The following CSMD1 variants were observed in gnomAD, a reference collection of about 807,000 sequenced individuals.
CSMD1 encodes CUB and Sushi multiple domains 1.
In CSMD1, 213 loss-of-function variants were observed where a neutral mutation model predicts 417.5. That is an observed-to-expected ratio of 0.51 (90% confidence interval 0.46 to 0.57). The LOEUF is 0.57. CSMD1 is among the 20% of genes least tolerant of loss of function. The probability of loss-of-function intolerance (pLI) is 0.00; values close to 1 mark genes in which losing one functional copy is unlikely to be tolerated. For synonymous variants in CSMD1, 2,862 were observed against 1,736.8 expected (o/e 1.65, Z -16.11); for missense variants, 6,923 against 4,529.7 (o/e 1.53, Z -15.17).
chr8:3,459,885 G>C (rs146807104), intron 12 of CSMD1, among the ~76,000 whole-genome samples: 73 of 152,216 alleles, frequency 4.8e-4, no homozygotes, highest in African/African-American at 1.6e-3. Context: ...AAAAAAACTG[G>C]AGTGGTCCTA....
intron 41 of CSMD1, 61 bp from the exon 42 acceptor site, chr8:3,118,648 TTG>T: frequency 6.7e-7 from 1 of 1,481,768 alleles, no homozygotes; most frequent in Non-Finnish European, 9.3e-7. Flanking sequence ...ACTTCGGAAT[TTG>T]CAGGAGTGTC....
At chr8:4,816,906 A>C (rs1051667936) in intron 1 of CSMD1, among the ~76,000 whole-genome samples, 1 of 152,124 alleles carries the variant, frequency 6.6e-6, no homozygotes, top group African/African-American at 2.4e-5. Flanking sequence ...GGTTTGGAGC[A>C]TAACAATCAC....
At chr8:4,816,640 G>A (rs889788601) in intron 1 of CSMD1, among the ~76,000 whole-genome samples, 34 of 152,288 alleles carry the variant, frequency 2.2e-4, no homozygotes, top group African/African-American at 6.7e-4. Flanking sequence ...GTTCCCGACC[G>A]TATGGCTCTA....
chr8:4,028,123 T>C (rs1349737375), intron 4 of CSMD1, among the ~76,000 whole-genome samples: 2 of 152,002 alleles, frequency 1.3e-5, no homozygotes, highest in Non-Finnish European at 2.9e-5. Context: ...ATAATAAACT[T>C]CAGGAACATG....
chr8:4,719,577 C>G (rs972125576), intron 1 of CSMD1, among the ~76,000 whole-genome samples: 1 of 138,994 alleles, frequency 7.2e-6, no homozygotes, highest in African/African-American at 2.6e-5. Context: ...TGCATCCTTT[C>G]TAAGATAGCA....
chr8:3,266,598 C>G (rs539550673), intron 26 of CSMD1, among the ~76,000 whole-genome samples: 11 of 112,068 alleles, frequency 9.8e-5, no homozygotes, highest in East Asian at 5.3e-4. Context: ...GAGTGAGACT[C>G]CCTCTCAAAA....
intron 10 of CSMD1, among the ~76,000 whole-genome samples, chr8:3,534,250 A>G (rs962536897): frequency 6.6e-6 from 1 of 152,162 alleles, no homozygotes; most frequent in East Asian, 1.9e-4. Context: ...GCATTCAATT[A>G]TCTAACTCAC....
chr8:3,265,766 C>T (rs572185179), intron 26 of CSMD1, among the ~76,000 whole-genome samples: 1 of 152,212 alleles, frequency 6.6e-6, no homozygotes, highest in South Asian at 2.1e-4. Context: ...GGCCTTTCTT[C>T]AGCATGACTT....
intron 9 of CSMD1, among the ~76,000 whole-genome samples, chr8:3,583,695 G>A (rs569249433): frequency 2.0e-5 from 3 of 152,202 alleles, no homozygotes; most frequent in South Asian, 2.1e-4. Flanking sequence ...AGCCTCTGCA[G>A]ATGGCAAAAG....
chr8:3,086,990 T>C (rs1814575654), intron 49 of CSMD1, 107 bp downstream of exon 49: 17 of 1,045,954 alleles, frequency 1.6e-5, no homozygotes, highest in Non-Finnish European at 2.4e-5. Flanking sequence ...ACATTCAATT[T>C]TTCCTTACCT....
rs758045756 is a variant in CSMD1, at chr8:3,408,221, T to A, written c.1749A>T (p.Ser583=). 6.9e-6 allele frequency: 11 copies of A among 1,592,722 alleles called. No homozygotes were observed. The highest frequency in any genetic ancestry group is 2.7e-5 in the African/African-American group (2 of 74,438). The stretch of plus-strand genomic sequence containing the variant: ...ATGATGCCGTAAAGTTGAAGAAACA[T>A]GAAACTGTGAAGATGCAAATATATT... ...WSGNKPSCVF[S]CFFNFTASSG... is the part of the protein sequence containing the mutation. The change falls in exon 14 of 70, where the codon TCA becomes TCT. Residue 583 remains serine (S), a synonymous_variant. Transcript: ENST00000635120.
chr8:3,952,220 G>C (rs1041239145), intron 5 of CSMD1, among the ~76,000 whole-genome samples: 14 of 152,124 alleles, frequency 9.2e-5, no homozygotes, highest in African/African-American at 3.4e-4. Context: ...TTCATAATAA[G>C]AAGATTAAGA....
chr8:3,892,861 C>G (rs1478330083), intron 5 of CSMD1, among the ~76,000 whole-genome samples: 1 of 151,568 alleles, frequency 6.6e-6, no homozygotes. Flanking sequence ...ACGGGCCAGA[C>G]ACAGAGCAGG....
intron 1 of CSMD1, among the ~76,000 whole-genome samples, chr8:4,924,839 G>C (rs1487277013): frequency 1.3e-5 from 2 of 149,784 alleles, no homozygotes; most frequent in East Asian, 3.9e-4. Context: ...GATTATTACA[G>C]TTCGGGAAGA....
intron 2 of CSMD1, among the ~76,000 whole-genome samples, chr8:4,582,288 T>C (rs17070685): frequency 0.065 from 9,931 of 152,198 alleles, 461 homozygotes; most frequent in South Asian, 0.14. Flanking sequence ...CCGGCTAAGA[T>C]AAAACAGCTT....
chr8:4,190,724 G>C (rs888128082), intron 3 of CSMD1, among the ~76,000 whole-genome samples: 12 of 152,080 alleles, frequency 7.9e-5, no homozygotes, highest in African/African-American at 2.7e-4. Flanking sequence ...AAAATCATCT[G>C]AAATCACATG....
intron 21 of CSMD1, among the ~76,000 whole-genome samples, chr8:3,354,887 A>ATC (rs1808658169): frequency 1.3e-5 from 2 of 148,974 alleles, no homozygotes; most frequent in Admixed American, 6.8e-5. Flanking sequence ...ATCTATAGAT[A>ATC]TGTCTATCTA....
At chr8:4,255,557 T>C (rs1048557230) in intron 3 of CSMD1, among the ~76,000 whole-genome samples, 2 of 151,124 alleles carry the variant, frequency 1.3e-5, no homozygotes, top group Non-Finnish European at 2.9e-5. Flanking sequence ...TTTTATCTTC[T>C]AGATAGAATT....
At chr8:3,054,595 G>C (rs1379321134) in intron 49 of CSMD1, among the ~76,000 whole-genome samples, 1 of 151,582 alleles carries the variant, frequency 6.6e-6, no homozygotes, top group Non-Finnish European at 1.5e-5. Context: ...TCCAGACTGG[G>C]TGATAGAGCA....
Sources: allele counts gnomAD v4.1 joint callset (sites outside exome capture counted in the v4.1 genomes callset), GRCh38; gene constraint gnomAD v4.1.1; transcripts MANE v1.5; gene names NCBI Gene and HGNC (gene_info 2026-07-23, HGNC 2026-07-21).